FSTL5: variants seen among roughly 807,000 people sequenced by gnomAD.
The protein encoded by FSTL5 is follistatin like 5, also known as follistatin-related protein 5.
A neutral mutation model predicts 89.1 loss-of-function variants in FSTL5; 62 were observed. The observed-to-expected ratio is 0.70, with a 90% CI of 0.57 to 0.86. The LOEUF is 0.86. Ranked by LOEUF, FSTL5 falls within the 40% of genes least tolerant of loss-of-function variation. The pLI is 0.00. For missense variants in FSTL5, 1,057 were observed against 1,001.6 expected, an observed-to-expected ratio of 1.06 and a Z score of -0.75; for synonymous variants, 383 against 346.2, an observed-to-expected ratio of 1.11 and a Z score of -1.18.
intron 4 of FSTL5, among the ~76,000 whole-genome samples, chr4:161,784,017 CCTCCAT>C (rs1162099338): frequency 2.6e-5 from 4 of 151,566 alleles, no homozygotes; most frequent in Non-Finnish European, 5.9e-5. Context: ...CTCACTGCAG[CCTCCAT>C]CTCCCAGATT....
chr4:162,005,171 T>C (rs1052681484), intron 3 of FSTL5, among the ~76,000 whole-genome samples: 7 of 152,166 alleles, frequency 4.6e-5, no homozygotes, highest in African/African-American at 1.7e-4. Flanking sequence ...TGTTGTTCTG[T>C]CTACCTAAAA....
intron 10 of FSTL5, among the ~76,000 whole-genome samples, chr4:161,515,083 ATATTGT>A (rs1730770278): frequency 6.6e-6 from 1 of 152,158 alleles, no homozygotes; most frequent in Non-Finnish European, 1.5e-5. Flanking sequence ...AAAATTATAT[ATATTGT>A]TATTATCTGT....
chr4:161,911,374 A>C (rs905359466), intron 4 of FSTL5, among the ~76,000 whole-genome samples: 1 of 152,144 alleles, frequency 6.6e-6, no homozygotes, highest in Admixed American at 6.6e-5. Context: ...CATATTGAAG[A>C]CTTTATTTCA....
intron 7 of FSTL5, among the ~76,000 whole-genome samples, chr4:161,642,327 A>C (rs1323187189): frequency 1.3e-5 from 2 of 152,200 alleles, no homozygotes; most frequent in African/African-American, 4.8e-5. Flanking sequence ...GCCTAAGTAA[A>C]ATTTTGTACC....
intron 2 of FSTL5, chr4:162,043,144 G>A (rs1738035030): frequency 6.6e-6 from 1 of 152,136 alleles, no homozygotes; most frequent in Non-Finnish European, 1.5e-5. Context: ...TTTAATGTGT[G>A]ATATAAGATT....
intron 5 of FSTL5, among the ~76,000 whole-genome samples, chr4:161,760,815 A>G (rs1222970490): frequency 6.6e-6 from 1 of 152,158 alleles, no homozygotes; most frequent in Non-Finnish European, 1.5e-5. Flanking sequence ...TGGTGATGCT[A>G]CTTTCTAAAG....
At chr4:161,452,570 G>A (rs1733208428) in intron 15 of FSTL5, among the ~76,000 whole-genome samples, 1 of 151,906 alleles carries the variant, frequency 6.6e-6, no homozygotes, top group Non-Finnish European at 1.5e-5. Context: ...TCCTCATTAT[G>A]TTAAAACTAC....
intron 2 of FSTL5, among the ~76,000 whole-genome samples, chr4:162,103,125 T>A (rs1189791160): frequency 6.6e-6 from 1 of 152,194 alleles, no homozygotes; most frequent in African/African-American, 2.4e-5. Flanking sequence ...AGTAGGTCTT[T>A]ATCTTGAGAA....
chr4:161,837,048 G>A (rs1731067991), intron 4 of FSTL5, among the ~76,000 whole-genome samples: 1 of 152,112 alleles, frequency 6.6e-6, no homozygotes, highest in African/African-American at 2.4e-5. Context: ...TAAAAACTCA[G>A]AACAGGTTTT....
chr4:161,651,805 T>A (rs1736352703), intron 7 of FSTL5, among the ~76,000 whole-genome samples: 1 of 152,202 alleles, frequency 6.6e-6, no homozygotes, highest in Non-Finnish European at 1.5e-5. Flanking sequence ...CCATAGCCCA[T>A]GTTGCAAAAC....
chr4:161,541,715 C>G (rs2126543842), intron 9 of FSTL5, among the ~76,000 whole-genome samples: 1 of 151,808 alleles, frequency 6.6e-6, no homozygotes, highest in South Asian at 2.1e-4. Context: ...AAAATATGTT[C>G]ATGTTTAATA....
intron 3 of FSTL5, among the ~76,000 whole-genome samples, chr4:161,949,769 T>C (rs1365886795): frequency 8.0e-6 from 1 of 124,448 alleles, no homozygotes; most frequent in African/African-American, 2.9e-5. Flanking sequence ...AAGCTAAAAG[T>C]TTTTTTTTTT....
At chr4:161,472,190 G>A (rs1332788423) in intron 13 of FSTL5, among the ~76,000 whole-genome samples, 1 of 152,070 alleles carries the variant, frequency 6.6e-6, no homozygotes. Flanking sequence ...TGTTAGCCAG[G>A]ATGATCTCGA....
intron 2 of FSTL5, among the ~76,000 whole-genome samples, chr4:162,083,013 G>C (rs1360313336): frequency 2.6e-5 from 4 of 151,514 alleles, no homozygotes; most frequent in Non-Finnish European, 4.4e-5. Flanking sequence ...TTATAAGCTT[G>C]CTAAATGAAT....
intron 3 of FSTL5, among the ~76,000 whole-genome samples, chr4:161,973,831 G>A (rs188283529): frequency 2.2e-4 from 34 of 152,184 alleles, no homozygotes; most frequent in African/African-American, 4.3e-4. Flanking sequence ...ATTATCTCCC[G>A]ACGACATGAT....
intron 6 of FSTL5, among the ~76,000 whole-genome samples, chr4:161,694,734 G>T (rs953312127): frequency 2.6e-5 from 4 of 151,426 alleles, no homozygotes; most frequent in African/African-American, 9.7e-5. Flanking sequence ...CTTTAATTTT[G>T]CAATGTGCTA....
chr4:162,063,645 T>C (rs922987128), intron 2 of FSTL5, among the ~76,000 whole-genome samples: 2 of 151,946 alleles, frequency 1.3e-5, no homozygotes. Context: ...TGATTTGTTT[T>C]TCATAAATTC....
intron 4 of FSTL5, among the ~76,000 whole-genome samples, chr4:161,907,561 A>T (rs2110816801): frequency 6.6e-6 from 1 of 152,230 alleles, no homozygotes; most frequent in Non-Finnish European, 1.5e-5. Flanking sequence ...CACTGTAGTC[A>T]AAATCTGCTA....
At chr4:161,686,078 C>A (rs1345710915) in intron 6 of FSTL5, among the ~76,000 whole-genome samples, 1 of 151,404 alleles carries the variant, frequency 6.6e-6, no homozygotes, top group Non-Finnish European at 1.5e-5. Flanking sequence ...GTATGTGAAA[C>A]CATCCCTGTA....
Sources: gnomAD v4.1 joint callset for allele counts (sites outside exome capture counted in the v4.1 genomes callset) on GRCh38, gnomAD v4.1.1 for gene constraint, MANE v1.5 for transcripts, NCBI Gene and HGNC (gene_info 2026-07-23, HGNC 2026-07-21) for gene names.